Variants in PGLYRP4 observed in about 807,000 individuals in gnomAD.
The protein encoded by PGLYRP4 is peptidoglycan recognition protein 4, also known as PGRP-I-beta.
In PGLYRP4, 39 loss-of-function variants were observed where a neutral mutation model predicts 41.2. That is an observed-to-expected ratio of 0.95 (90% CI 0.73 to 1.24). PGLYRP4 has a LOEUF of 1.24. Among genes scored for constraint, PGLYRP4 ranks in the 50% most tolerant of loss-of-function variants. The pLI is 0.00. For missense variants in PGLYRP4, 467 were observed against 460.7 expected, an observed-to-expected ratio of 1.01 and a Z score of -0.13; for synonymous variants, 202 against 186.8, an observed-to-expected ratio of 1.08 and a Z score of -0.66.
chr1:153,336,378 A>AAAG (rs1660564499), intron 8 of PGLYRP4, among the ~76,000 whole-genome samples: 1 of 150,622 alleles, frequency 6.6e-6, no homozygotes, highest in African/African-American at 2.4e-5. Flanking sequence ...TCAAAAAAAA[A>AAAG]AAAAAAAAAA....
At position 153,343,214 on chromosome 1, in the gene PGLYRP4, G is replaced by A. The variant is rs1571139706; in HGVS notation, c.354-6C>T. On this transcript the variant is annotated splice_region_variant and splice_polypyrimidine_tract_variant and intron_variant, in intron 4 of 8. Coordinates refer to ENST00000359650, the MANE Select transcript of PGLYRP4 (RefSeq NM_020393.4). The stretch of plus-strand genomic sequence containing the variant: ...CATCATCCCCAACCAGGAAGCTATG[G>A]AGCAAGATAATACAGGTTTCATGGC... The A allele has an allele frequency of 6.3e-7, 1 of 1,593,522 alleles. No homozygotes were observed. The highest frequency in any genetic ancestry group is 1.3e-5 in the African/African-American group (1 of 74,608).
At chr1:153,332,134 A>G (rs1282112434) in intron 8 of PGLYRP4, among the ~76,000 whole-genome samples, 3 of 152,204 alleles carry the variant, frequency 2.0e-5, no homozygotes, top group Non-Finnish European at 2.9e-5. Flanking sequence ...ATTTCATGTA[A>G]ATGGAAACCA....
intron 7 of PGLYRP4, among the ~76,000 whole-genome samples, chr1:153,339,997 A>G (rs1440402088): frequency 1.3e-5 from 2 of 152,220 alleles, no homozygotes; most frequent in Non-Finnish European, 2.9e-5. Flanking sequence ...CAAAGTGAGC[A>G]GCAGAGCCCC....
intron 4 of PGLYRP4, among the ~76,000 whole-genome samples, chr1:153,344,135 TA>T (rs994277793): frequency 6.6e-6 from 1 of 152,158 alleles, no homozygotes; most frequent in Non-Finnish European, 1.5e-5. Flanking sequence ...CCTGAAACCT[TA>T]AAAACTCTTA....
rs1217659215 is a variant in PGLYRP4, at chr1:153,343,228, A to G, written c.354-20T>C. The G allele has an allele frequency of 6.5e-7, 1 of 1,536,216 alleles. No individual in the cohort carries two copies. Among genetic ancestry groups the G allele is most frequent in the Admixed American group, 1.7e-5 (1 of 59,424 alleles). ...AGGAAGCTATGGAGCAAGATAATAC[A>G]GGTTTCATGGCTGGCACTGTAGGAC... On this transcript the variant is annotated intron_variant, in intron 4 of 8. Transcript: ENST00000359650.
At position 153,347,432 on chromosome 1, in the gene PGLYRP4, C is replaced by T. The variant is rs139217441; in HGVS notation, c.49+452G>A. ...TCACCCAGGTTGGAGTGCAGTGGCACGATCTCATCTCACTACAACCTCCAT... is the reference window on the plus strand; with the variant it reads ...TCACCCAGGTTGGAGTGCAGTGGCATGATCTCATCTCACTACAACCTCCAT... On this transcript the variant is annotated intron_variant, in intron 2 of 8. Coordinates refer to ENST00000359650, the MANE Select transcript of PGLYRP4 (RefSeq NM_020393.4). 7.0e-3 allele frequency among the ~76,000 whole-genome samples: 1,056 copies of T among 151,374 alleles called. 16 individuals are homozygous for T. The highest frequency in any genetic ancestry group is 0.024 in the African/African-American group (997 of 41,174).
chr1:153,343,264 G>A (rs1660874245), intron 4 of PGLYRP4, 56 bp from the exon 5 acceptor site: 6 of 1,208,014 alleles, frequency 5.0e-6, no homozygotes, highest in African/African-American at 4.5e-5. Flanking sequence ...ATTCCTGAGA[G>A]GTGAAACCAC....
chr1:153,342,818 T>C (rs2916213), intron 5 of PGLYRP4, among the ~76,000 whole-genome samples: 123,127 of 152,150 alleles, frequency 0.81, 50,148 homozygotes, highest in Middle Eastern at 0.87. Context: ...TGCAGAGAGA[T>C]GACTGGTCAG....
At chr1:153,336,264 G>A (rs998186269) in intron 8 of PGLYRP4, among the ~76,000 whole-genome samples, 14 of 150,638 alleles carry the variant, frequency 9.3e-5, no homozygotes, top group African/African-American at 2.4e-4. Context: ...CTAGCTACTC[G>A]GGAGGTTGAG....
intron 2 of PGLYRP4, among the ~76,000 whole-genome samples, chr1:153,346,683 G>T (rs1306555436): frequency 6.6e-6 from 1 of 152,218 alleles, no homozygotes; most frequent in Non-Finnish European, 1.5e-5. Flanking sequence ...GATGGGCAGG[G>T]TGTTGATTGA....
At position 153,341,694 on chromosome 1, in the gene PGLYRP4, A is replaced by G. The variant is rs769195270; in HGVS notation, c.558T>C (p.Tyr186=). Reference sequence around the variant, plus strand: ...CGCCTTTCCCAAGAAGTGGCTGAACATAACTGGATGACAGGTGGCCCTTCT... The same window carrying G: ...CGCCTTTCCCAAGAAGTGGCTGAACGTAACTGGATGACAGGTGGCCCTTCT... ...AVQKGHLSSS[Y]VQPLLGKGEN... Residue 186 remains tyrosine (Y), a synonymous_variant, in exon 6 of 9, where the codon TAT becomes TAC. Coordinates refer to ENST00000359650, the MANE Select transcript of PGLYRP4 (RefSeq NM_020393.4). 3 of 1,614,006 alleles carry G rather than the reference A, an allele frequency of 1.9e-6. No homozygotes were observed. The highest frequency in any genetic ancestry group is 2.2e-5 in the East Asian group (1 of 44,878).
At chr1:153,342,999 C>A in intron 5 of PGLYRP4, 91 bp downstream of exon 5, 1 of 739,318 alleles carries the variant, frequency 1.4e-6, no homozygotes, top group South Asian at 1.7e-5. Context: ...GATAAGACAG[C>A]AGAGTAGCAG....
intron 8 of PGLYRP4, among the ~76,000 whole-genome samples, chr1:153,333,482 A>T (rs1660419938): frequency 6.6e-6 from 1 of 152,182 alleles, no homozygotes; most frequent in South Asian, 2.1e-4. Context: ...TCACAGCCGA[A>T]TTCTACCAGA....
In PGLYRP4 at chr1:153,344,903, G is replaced by A. The variant is rs74921740; in HGVS notation, c.353+266C>T. On this transcript the variant is annotated intron_variant, in intron 4 of 8. Transcript: ENST00000359650. ...GGAAGTCGTTTGCAATCTGTAGTGT[G>A]CTGTGCAAGCCAGGGTTGGGGGAGG... is the stretch of plus-strand genomic sequence containing the variant. The A allele has an allele frequency of 4.4e-3, 1,860 of 426,778 alleles. 43 individuals are homozygous for A. The highest frequency in any genetic ancestry group is 0.034 in the African/African-American group (1,723 of 50,184). 26.4% of individuals were successfully genotyped at this position (426,778 alleles called of 1,614,324 possible).
intron 7 of PGLYRP4, among the ~76,000 whole-genome samples, chr1:153,338,945 G>A (rs970931739): frequency 1.3e-5 from 2 of 152,212 alleles, no homozygotes; most frequent in Non-Finnish European, 2.9e-5. Flanking sequence ...ATATCTGTGA[G>A]GCACATCCGA....
Position 153,330,579 on chromosome 1 carries a change from G to A in PGLYRP4, c.*188C>T, listed in dbSNP as rs990474559. 6.3e-6 allele frequency: 3 copies of A among 479,270 alleles called. No homozygotes were observed. The highest frequency in any genetic ancestry group is 5.7e-5 in the African/African-American group (3 of 52,366). The allele number at this position is 479,270 out of a possible 1,614,324, so 29.7% of individuals were successfully genotyped here. A position where few individuals can be genotyped will look rare whatever the true frequency, so the allele number is the denominator to read the frequency against. On this transcript the variant is annotated 3_prime_UTR_variant, in exon 9 of 9. Coordinates refer to ENST00000359650, the MANE Select transcript of PGLYRP4 (RefSeq NM_020393.4). The stretch of plus-strand genomic sequence containing the variant: ...AGACTCAGAGGGCTGTGAATGTCCA[G>A]CTATGAGGTTTGGAGGCCCTTGGAG...
At chr1:153,331,156 C>T (rs889912950) in intron 8 of PGLYRP4, among the ~76,000 whole-genome samples, 5 of 152,170 alleles carry the variant, frequency 3.3e-5, no homozygotes, top group Non-Finnish European at 7.4e-5. Flanking sequence ...ATAATAAATT[C>T]TTCTGAGGAT....
At chr1:153,343,244 A>G (rs1553198353) in intron 4 of PGLYRP4, 36 bp from the exon 5 acceptor site, 1 of 1,418,362 alleles carries the variant, frequency 7.1e-7, no homozygotes, top group South Asian at 1.2e-5. Context: ...CATGGCTGGC[A>G]CTGTAGGACA....
chr1:153,345,272 C>G lies in PGLYRP4; in HGVS notation c.250G>C (p.Val84Leu). ...TGGTCGTGACACTCCAGTCCAGGGACATGGTGTATAACAAGGACATTCACT... is the reference window on the plus strand; with the variant it reads ...TGGTCGTGACACTCCAGTCCAGGGAGATGGTGTATAACAAGGACATTCACT... Reference protein sequence around the residue: ...TPVNVLVIHHVPGLECHDQTV... With the variant: ...TPVNVLVIHHLPGLECHDQTV... Residue 84 changes from valine to leucine, a missense_variant, in exon 4 of 9, where the codon GTC (valine) becomes CTC (leucine). Coordinates refer to ENST00000359650, the MANE Select transcript of PGLYRP4 (RefSeq NM_020393.4). 1.9e-6 allele frequency: 3 copies of G among 1,614,168 alleles called. No homozygotes were observed. The highest frequency in any genetic ancestry group is 2.5e-6 in the Non-Finnish European group (3 of 1,180,008).
Sources: gnomAD v4.1 joint callset for allele counts (sites outside exome capture counted in the v4.1 genomes callset) on GRCh38, gnomAD v4.1.1 for gene constraint, MANE v1.5 for transcripts, NCBI Gene and HGNC (gene_info 2026-07-23, HGNC 2026-07-21) for gene names.